The following ZNF407 variants were observed in gnomAD, a reference collection of about 807,000 sequenced individuals.
ZNF407 encodes zinc finger protein 407.
In ZNF407, 17 loss-of-function variants were observed where a neutral mutation model predicts 131.2. That is an observed-to-expected ratio of 0.13 (90% CI 0.09 to 0.19). The LOEUF (loss-of-function observed/expected upper bound fraction) is 0.19. ZNF407 is among the 10% of genes least tolerant of loss of function. The probability of loss-of-function intolerance (pLI) is 1.00; values close to 1 mark genes in which losing one functional copy is unlikely to be tolerated. For synonymous variants in ZNF407, 1,156 were observed against 1,062.0 expected (o/e 1.09, Z -1.72); for missense variants, 2,681 against 2,830.6 (o/e 0.95, Z 1.20).
rs373436890 is a variant in ZNF407 at position 74,614,451 on chromosome 18, A to C, written c.-54+16514A>C. ...GTGACAGCCGTATTACGTACAGTGC[A>C]TGCATGCTTTTTCCTGATTCACTTA... is the stretch of plus-strand genomic sequence containing the variant. On this transcript the variant is annotated intron_variant, in intron 1 of 8. Transcript: ENST00000299687. 5.0e-4 allele frequency among the ~76,000 whole-genome samples: 76 copies of C among 152,302 alleles called. No homozygotes were observed. In the South Asian group the frequency reaches 0.015, roughly 29 times the overall value.
intron 3 of ZNF407, among the ~76,000 whole-genome samples, chr18:74,743,050 G>A (rs1334996597): frequency 6.6e-6 from 1 of 152,158 alleles, no homozygotes; most frequent in African/African-American, 2.4e-5. Context: ...GCTGAATAAT[G>A]CAAGCGTTGA....
At chr18:74,601,335 G>C (rs1174216951) in intron 1 of ZNF407, among the ~76,000 whole-genome samples, 19 of 140,054 alleles carry the variant, frequency 1.4e-4, no homozygotes, top group African/African-American at 1.7e-4. Flanking sequence ...ATGTCTGTGT[G>C]TGTGTGTGTG....
At chr18:74,793,130 ATTGT>A (rs1415996519) in intron 4 of ZNF407, among the ~76,000 whole-genome samples, 1 of 152,202 alleles carries the variant, frequency 6.6e-6, no homozygotes, top group Non-Finnish European at 1.5e-5. Flanking sequence ...GGATCTCAGT[ATTGT>A]TTATTTTTCT....
At chr18:74,815,703 T>C (rs1213186950) in intron 4 of ZNF407, among the ~76,000 whole-genome samples, 1 of 152,176 alleles carries the variant, frequency 6.6e-6, no homozygotes, top group Non-Finnish European at 1.5e-5. Context: ...TTAGCAGTTA[T>C]TGGGAGCAAG....
chr18:74,764,721 A>C (rs1452645021), intron 3 of ZNF407, among the ~76,000 whole-genome samples: 1 of 152,174 alleles, frequency 6.6e-6, no homozygotes. Flanking sequence ...TTGCAGGTGA[A>C]AATCTGTGTA....
chr18:74,743,708 C>G (rs1232889765), intron 3 of ZNF407, among the ~76,000 whole-genome samples: 1 of 152,096 alleles, frequency 6.6e-6, no homozygotes, highest in Admixed American at 6.6e-5. Flanking sequence ...TATATTCCTT[C>G]TGCCATTATC....
chr18:74,789,391 A>T (rs1969782254), intron 4 of ZNF407, among the ~76,000 whole-genome samples: 1 of 151,980 alleles, frequency 6.6e-6, no homozygotes, highest in African/African-American at 2.4e-5. Flanking sequence ...TAAGGTAGAG[A>T]ACTAAGATCC....
chr18:74,617,185 C>CACATCCAT (rs1983351672), intron 1 of ZNF407, among the ~76,000 whole-genome samples: 7 of 149,660 alleles, frequency 4.7e-5, no homozygotes, highest in Middle Eastern at 3.5e-3. Flanking sequence ...TATCCACACA[C>CACATCCAT]ATCGACACAC....
chr18:74,940,516 G>C (rs1039270308), intron 8 of ZNF407, among the ~76,000 whole-genome samples: 7 of 152,144 alleles, frequency 4.6e-5, no homozygotes, highest in Non-Finnish European at 7.3e-5. Flanking sequence ...TGCGCTCAGG[G>C]CTAATAGGGG....
chr18:74,886,292 A>T (rs1024697787), intron 6 of ZNF407, among the ~76,000 whole-genome samples: 2 of 152,200 alleles, frequency 1.3e-5, no homozygotes, highest in Non-Finnish European at 2.9e-5. Context: ...AGCAAGTCAT[A>T]CGTAGCTGGT....
At chr18:74,737,459 TTAAG>T (rs1221889012) in intron 3 of ZNF407, among the ~76,000 whole-genome samples, 1 of 152,250 alleles carries the variant, frequency 6.6e-6, no homozygotes, top group East Asian at 1.9e-4. Flanking sequence ...TACATATGTA[TTAAG>T]TAATTATAAT....
At chr18:74,623,255 AGTGT>A (rs201637323) in intron 1 of ZNF407, among the ~76,000 whole-genome samples, 3 of 150,206 alleles carry the variant, frequency 2.0e-5, no homozygotes, top group Non-Finnish European at 4.4e-5. Context: ...TGTGCATGTG[AGTGT>A]GTGTGTGCAT....
In ZNF407 at chr18:74,701,438, A is replaced by T. The variant is rs886280744; in HGVS notation, c.4802+60316A>T. The stretch of plus-strand genomic sequence containing the variant: ...TTATGTAATATTTCCGACTACCTAT[A>T]AGTTTAGCTCTGGAGTTGAATTCTG... On this transcript the variant is annotated intron_variant, in intron 3 of 8. Coordinates refer to ENST00000299687, the MANE Select transcript of ZNF407 (RefSeq NM_017757.3). 2.6e-5 allele frequency among the ~76,000 whole-genome samples: 4 copies of T among 152,118 alleles called. 1 individual carries two copies. The highest frequency in any genetic ancestry group is 9.7e-5 in the African/African-American group (4 of 41,428).
chr18:75,019,737 C>T (rs1236716776), intron 8 of ZNF407, among the ~76,000 whole-genome samples: 1 of 152,112 alleles, frequency 6.6e-6, no homozygotes, highest in East Asian at 1.9e-4. Context: ...GTTCCACAGG[C>T]TGCACAGGAG....
chr18:75,029,066 T>C (rs2122218051), intron 8 of ZNF407, among the ~76,000 whole-genome samples: 1 of 152,328 alleles, frequency 6.6e-6, no homozygotes, highest in East Asian at 1.9e-4. Flanking sequence ...ATCTCAGATA[T>C]CAGAATAAAG....
chr18:74,944,864 A>G (rs2145272208), intron 8 of ZNF407, among the ~76,000 whole-genome samples: 1 of 152,370 alleles, frequency 6.6e-6, no homozygotes, highest in African/African-American at 2.4e-5. Flanking sequence ...TCTGCAAACA[A>G]AAAACCTCAG....
At chr18:74,687,026 T>TG (rs1967111706) in intron 3 of ZNF407, among the ~76,000 whole-genome samples, 1 of 152,164 alleles carries the variant, frequency 6.6e-6, no homozygotes, top group Non-Finnish European at 1.5e-5. Context: ...TACAATCTCT[T>TG]GGGGAATATG....
chr18:74,938,398 C>A (rs1243756570), intron 8 of ZNF407, among the ~76,000 whole-genome samples: 1 of 152,166 alleles, frequency 6.6e-6, no homozygotes, highest in Admixed American at 6.5e-5. Flanking sequence ...TTAGAGTGAT[C>A]TTTCCACCTA....
chr18:74,816,468 A>G (rs1334364401), intron 4 of ZNF407, among the ~76,000 whole-genome samples: 1 of 152,200 alleles, frequency 6.6e-6, no homozygotes, highest in Non-Finnish European at 1.5e-5. Flanking sequence ...CCCTTAGGAA[A>G]AATTCTGTTT....
Sources: gnomAD v4.1 joint callset for allele counts (sites outside exome capture counted in the v4.1 genomes callset) on GRCh38, gnomAD v4.1.1 for gene constraint, MANE v1.5 for transcripts, NCBI Gene and HGNC (gene_info 2026-07-23, HGNC 2026-07-21) for gene names.